Variants in GAB2 observed in about 807,000 individuals in gnomAD.
The protein encoded by GAB2 is GRB2 associated binding protein 2, also known as GRB2-associated-binding protein 2.
A neutral mutation model predicts 65.5 loss-of-function variants in GAB2; 26 were observed. That is an observed-to-expected ratio of 0.40 (90% CI 0.29 to 0.55). The LOEUF (loss-of-function observed/expected upper bound fraction) is 0.55, where lower values mean the gene tolerates loss of function less well. GAB2 is among the 20% of genes least tolerant of loss of function. The pLI, the probability that GAB2 is intolerant of heterozygous loss-of-function variation, is 0.53. For synonymous variants in GAB2, 321 were observed against 329.6 expected (o/e 0.97, Z 0.28); for missense variants, 884 against 875.8 (o/e 1.01, Z -0.12).
intron 3 of GAB2, among the ~76,000 whole-genome samples, chr11:78,234,785 ATTG>A (rs1864940316): frequency 6.6e-6 from 1 of 151,906 alleles, no homozygotes; most frequent in African/African-American, 2.4e-5. Context: ...TCCTGACTTT[ATTG>A]TTGTTCTTTT....
intron 3 of GAB2, among the ~76,000 whole-genome samples, chr11:78,247,019 G>GA (rs1359010256): frequency 6.6e-6 from 1 of 152,150 alleles, no homozygotes; most frequent in African/African-American, 2.4e-5. Flanking sequence ...CTTCATTCTG[G>GA]AATATACTAG....
chr11:78,309,955 TGTGTGTGTGTGTGTGTGCGC>T (rs1855456423), intron 1 of GAB2, among the ~76,000 whole-genome samples: 1 of 141,732 alleles, frequency 7.1e-6, no homozygotes, highest in Non-Finnish European at 1.5e-5. Flanking sequence ...TGTGTGTGTG[TGTGTGTGTGTGTGTGTGCGC>T]GCGCGCCTGT....
intron 3 of GAB2, 100 bp from the exon 4 acceptor site, chr11:78,227,151 T>C: frequency 2.6e-6 from 2 of 762,458 alleles, no homozygotes; most frequent in Non-Finnish European, 4.4e-6. Context: ...GGTTTAGGCA[T>C]CTGTAAAATG....
At chr11:78,309,971 T>TGTGTGTGTGTGTGTGTGTGCACGC (rs1421836447) in intron 1 of GAB2, among the ~76,000 whole-genome samples, 69 of 120,178 alleles carry the variant, frequency 5.7e-4, no homozygotes, top group African/African-American at 2.4e-3. Flanking sequence ...TGTGTGTGTG[T>TGTGTGTGTGTGTGTGTGTGCACGC]GCGCGCGCGC....
chr11:78,259,943 A>G (rs1330666207), intron 2 of GAB2, among the ~76,000 whole-genome samples: 1 of 152,226 alleles, frequency 6.6e-6, no homozygotes, highest in African/African-American at 2.4e-5. Context: ...CAATCAAGCT[A>G]TGAGATCTGG....
chr11:78,232,819 T>C (rs554047070), intron 3 of GAB2, among the ~76,000 whole-genome samples: 13 of 152,308 alleles, frequency 8.5e-5, no homozygotes, highest in South Asian at 4.1e-4. Context: ...GTCTAGTCTA[T>C]GCGAGGCAGG....
chr11:78,411,733 A>C (rs4944199), intron 1 of GAB2, among the ~76,000 whole-genome samples: 1 of 148,988 alleles, frequency 6.7e-6, no homozygotes, highest in Non-Finnish European at 1.5e-5. Context: ...AAATGTGTAG[A>C]AAAAAAAAAA....
chr11:78,365,578 TG>T (rs1856485517), intron 1 of GAB2, among the ~76,000 whole-genome samples: 1 of 152,134 alleles, frequency 6.6e-6, no homozygotes, highest in Non-Finnish European at 1.5e-5. Flanking sequence ...GGGTATTCCT[TG>T]ATCCAAAAAA....
intron 1 of GAB2, among the ~76,000 whole-genome samples, chr11:78,303,345 G>C (rs1486749838): frequency 6.6e-6 from 1 of 152,054 alleles, no homozygotes; most frequent in Non-Finnish European, 1.5e-5. Context: ...TGTTTGTATA[G>C]AGTATGAGAA....
chr11:78,273,743 T>C (rs1019806969), intron 2 of GAB2, among the ~76,000 whole-genome samples: 2 of 152,186 alleles, frequency 1.3e-5, no homozygotes, highest in Admixed American at 1.3e-4. Context: ...ATGACATGGT[T>C]TGGCTGTGTC....
At chr11:78,313,878 T>C (rs1187027036) in intron 1 of GAB2, among the ~76,000 whole-genome samples, 1 of 152,232 alleles carries the variant, frequency 6.6e-6, no homozygotes. Flanking sequence ...GCTTCTACTA[T>C]GCCTCAGTGA....
intron 1 of GAB2, among the ~76,000 whole-genome samples, chr11:78,325,407 G>T (rs551846297): frequency 4.6e-5 from 7 of 152,274 alleles, no homozygotes; most frequent in African/African-American, 1.7e-4. Context: ...TTAATTAGTG[G>T]CAGAGCTGAG....
chr11:78,231,296 A>G (rs1590949667), intron 3 of GAB2, among the ~76,000 whole-genome samples: 1 of 151,058 alleles, frequency 6.6e-6, no homozygotes, highest in South Asian at 2.1e-4. Flanking sequence ...GGCTATTGCC[A>G]CCATACAGTC....
chr11:78,220,279 C>T, intron 9 of GAB2, 40 bp downstream of exon 9: 1 of 1,609,958 alleles, frequency 6.2e-7, no homozygotes, highest in Non-Finnish European at 8.5e-7. Flanking sequence ...CTCCGGGACC[C>T]TGAGAGCTCT....
chr11:78,221,636 G>T, intron 8 of GAB2, 41 bp downstream of exon 8: 2 of 1,270,620 alleles, frequency 1.6e-6, no homozygotes, highest in South Asian at 1.2e-5. Context: ...GGTCCCAGGG[G>T]ACTTGAAAGG....
rs114914255 is a variant in GAB2 at position 78,372,425 on chromosome 11, C to A, written c.75+45221G>T. 3.6e-3 allele frequency among the ~76,000 whole-genome samples: 549 copies of A among 152,262 alleles called. 5 individuals carry two copies. Among genetic ancestry groups the A allele is most frequent in the African/African-American group, 0.012 (496 of 41,552 alleles). ...AGTAAGTGTGCCAAATACATTTGAC[C>A]AGCCCCTAGAGGTTCCACATCTAAG... On this transcript the variant is annotated intron_variant, in intron 1 of 9. Coordinates refer to ENST00000361507, the MANE Select transcript of GAB2 (RefSeq NM_080491.3).
chr11:78,244,149 G>C (rs1490443786), intron 3 of GAB2, among the ~76,000 whole-genome samples: 2 of 148,938 alleles, frequency 1.3e-5, no homozygotes, highest in East Asian at 1.9e-4. Context: ...GGCCAAGATG[G>C]GCAGATTCAA....
intron 1 of GAB2, among the ~76,000 whole-genome samples, chr11:78,310,115 T>G (rs1310093929): frequency 1.3e-5 from 2 of 151,918 alleles, no homozygotes; most frequent in African/African-American, 4.8e-5. Flanking sequence ...AACAAAGAAT[T>G]GTCCCACCTA....
At chr11:78,400,392 T>C (rs1319019101) in intron 1 of GAB2, among the ~76,000 whole-genome samples, 2 of 152,196 alleles carry the variant, frequency 1.3e-5, no homozygotes, top group African/African-American at 4.8e-5. Context: ...TTCTAGTCTT[T>C]CTAGTCTGCA....
Sources: gnomAD v4.1 joint callset for allele counts (sites outside exome capture counted in the v4.1 genomes callset) on GRCh38, gnomAD v4.1.1 for gene constraint, MANE v1.5 for transcripts, NCBI Gene and HGNC (gene_info 2026-07-23, HGNC 2026-07-21) for gene names.